Variants in RMP64 observed in about 807,000 individuals in gnomAD.
RMP64 encodes the protein ribonuclease MRP subunit p64.
the RMP64 span, chr3:113,005,500 G>A: frequency 7.5e-7 from 1 of 1,341,560 alleles, no homozygotes; most frequent in Non-Finnish European, 1.1e-6. Flanking sequence ...AACTAGCCTT[G>A]TTAATCACTT....
the RMP64 span, chr3:113,013,458 T>C: frequency 3.1e-6 from 4 of 1,296,206 alleles, no homozygotes; most frequent in Non-Finnish European, 3.0e-6. Flanking sequence ...AGGGTTTTTT[T>C]TTTGTTTTTT....
chr3:113,008,086 C>T, the RMP64 span: 32 of 1,294,620 alleles, frequency 2.5e-5, no homozygotes, highest in Non-Finnish European at 3.4e-5. Flanking sequence ...CTGGACATCA[C>T]ATTTTAAAGA....
the RMP64 span, chr3:113,013,147 AAAGTTT>A: frequency 9.2e-7 from 1 of 1,090,868 alleles, no homozygotes; most frequent in Non-Finnish European, 1.3e-6. Context: ...CCAAGAAGCA[AAAGTTT>A]AAGAATTCCT....
chr3:113,013,512 G>T, the RMP64 span: 1 of 1,055,142 alleles, frequency 9.5e-7, no homozygotes, highest in Non-Finnish European at 1.4e-6. Flanking sequence ...TATGACAAAG[G>T]ATTGAAACAA....
the RMP64 span, among the ~76,000 whole-genome samples, chr3:113,010,084 G>C: frequency 6.6e-6 from 1 of 151,980 alleles, no homozygotes; most frequent in South Asian, 2.1e-4. Flanking sequence ...GTTAAAACTT[G>C]AACCTCAACA....
chr3:113,011,459 T>A, the RMP64 span: 1 of 1,473,550 alleles, frequency 6.8e-7, no homozygotes, highest in Non-Finnish European at 9.1e-7. Flanking sequence ...AATTTGCAGA[T>A]TACATAATAA....
At chr3:113,013,382 G>A in the RMP64 span, 2 of 1,609,962 alleles carry the variant, frequency 1.2e-6, no homozygotes, top group South Asian at 1.1e-5. Flanking sequence ...CACATACTTT[G>A]GTAGTTAAGG....
At chr3:113,005,547 T>C in the RMP64 span, 2 of 1,609,754 alleles carry the variant, frequency 1.2e-6, no homozygotes, top group South Asian at 2.2e-5. Flanking sequence ...TAAACTCCCA[T>C]TAAAGCAAAA....
chr3:113,014,191 G>A, the RMP64 span, among the ~76,000 whole-genome samples: 5 of 152,094 alleles, frequency 3.3e-5, no homozygotes, highest in South Asian at 2.1e-4. Flanking sequence ...AATCCAAAGC[G>A]CAAGCAATTG....
chr3:113,018,190 T>C, the RMP64 span, among the ~76,000 whole-genome samples: 1 of 152,196 alleles, frequency 6.6e-6, no homozygotes, highest in Admixed American at 6.5e-5. Context: ...TGAAAATCTG[T>C]AGAAGTCCCT....
chr3:113,012,748 C>T, the RMP64 span: 1 of 1,597,538 alleles, frequency 6.3e-7, no homozygotes, highest in Non-Finnish European at 8.6e-7. Flanking sequence ...ACCTGCTCAC[C>T]AGCCCAACCA....
chr3:113,008,583 G>A, the RMP64 span: 2 of 631,164 alleles, frequency 3.2e-6, no homozygotes, highest in Non-Finnish European at 2.8e-6. Context: ...TTACCCTGTG[G>A]TTATTATGCA....
chr3:113,013,712 C>A, the RMP64 span, among the ~76,000 whole-genome samples: 139 of 152,244 alleles, frequency 9.1e-4, 3 homozygotes, highest in South Asian at 0.027. Flanking sequence ...ACAATAACAG[C>A]CCACTGATGT....
the RMP64 span, among the ~76,000 whole-genome samples, chr3:113,018,823 T>C: frequency 6.6e-6 from 1 of 152,202 alleles, no homozygotes; most frequent in African/African-American, 2.4e-5. Context: ...TATCTCCATT[T>C]GAAAGTGAGA....
At chr3:113,009,201 A>C in the RMP64 span, among the ~76,000 whole-genome samples, 4 of 152,154 alleles carry the variant, frequency 2.6e-5, no homozygotes, top group Non-Finnish European at 5.9e-5. Context: ...TTTCTATATC[A>C]AGTCACATTT....
the RMP64 span, chr3:113,008,334 C>G: frequency 6.2e-7 from 1 of 1,613,996 alleles, no homozygotes; most frequent in Non-Finnish European, 8.5e-7. Context: ...AATCTTTGCA[C>G]AAAACTTTTG....
At chr3:113,010,052 T>C in the RMP64 span, among the ~76,000 whole-genome samples, 1 of 150,530 alleles carries the variant, frequency 6.6e-6, no homozygotes, top group Non-Finnish European at 1.5e-5. Flanking sequence ...ACAAACAGAA[T>C]TTACAGACAT....
chr3:113,009,196 A>G, the RMP64 span, among the ~76,000 whole-genome samples: 2 of 152,138 alleles, frequency 1.3e-5, no homozygotes, highest in African/African-American at 4.8e-5. Context: ...CCTTCTTTCT[A>G]TATCAAGTCA....
chr3:113,010,364 TG>T, the RMP64 span: 4 of 368,734 alleles, frequency 1.1e-5, no homozygotes, highest in Non-Finnish European at 2.0e-5. Context: ...ACTCTTAAGC[TG>T]CAGTACAATC....
Sources: gnomAD v4.1 joint callset for allele counts (sites outside exome capture counted in the v4.1 genomes callset) on GRCh38, gnomAD v4.1.1 for gene constraint, MANE v1.5 for transcripts, NCBI Gene and HGNC (gene_info 2026-07-23, HGNC 2026-07-21) for gene names.